Variants in GABBR2 observed in about 807,000 individuals in gnomAD.
GABBR2 encodes gamma-aminobutyric acid type B receptor subunit 2, also known as G-protein coupled receptor 51.
A neutral mutation model predicts 105.6 loss-of-function variants in GABBR2; 23 were observed. The ratio of observed to expected loss-of-function variants is 0.22; its 90% CI spans 0.16 to 0.31. The LOEUF (loss-of-function observed/expected upper bound fraction) is 0.31. GABBR2 is among the 10% of genes least tolerant of loss of function. GABBR2 has a pLI of 1.00. For synonymous variants in GABBR2, 478 were observed against 499.7 expected (o/e 0.96, Z 0.58); for missense variants, 734 against 1,245.5 (o/e 0.59, Z 6.18).
chr9:98,648,116 T>TGTGTGTGTGTGTGTATAG, intron 1 of GABBR2, among the ~76,000 whole-genome samples: 1,324 of 55,852 alleles, frequency 0.024, 53 homozygotes, highest in Middle Eastern at 0.045. Flanking sequence ...TGTGTGTGTG[T>TGTGTGTGTGTGTGTATAG]ATAGATAGAT....
In GABBR2 at chr9:98,692,850, G is replaced by C. The variant is rs555009537; in HGVS notation, c.321+15567C>G. On this transcript the variant is annotated intron_variant, in intron 1 of 18. Transcript: ENST00000259455. Reference sequence around the variant, plus strand: ...CTAGAGTTGACTATTTCTTCCAAATGCCTCATTCAGTAACACCCTGGTAAC... The same window carrying C: ...CTAGAGTTGACTATTTCTTCCAAATCCCTCATTCAGTAACACCCTGGTAAC... 3.3e-5 allele frequency among the ~76,000 whole-genome samples: 5 copies of C among 152,320 alleles called. No homozygotes were observed. In the South Asian group the frequency reaches 1.0e-3, roughly 32 times the overall value.
At chr9:98,413,768 G>A (rs929315534) in intron 7 of GABBR2, among the ~76,000 whole-genome samples, 2 of 152,198 alleles carry the variant, frequency 1.3e-5, no homozygotes, top group Non-Finnish European at 1.5e-5. Context: ...CCTAAGGTGG[G>A]GCTGTGTGCG....
intron 8 of GABBR2, among the ~76,000 whole-genome samples, chr9:98,401,997 C>T (rs962515991): frequency 6.6e-6 from 1 of 152,162 alleles, no homozygotes; most frequent in Admixed American, 6.5e-5. Flanking sequence ...GGACAAGTCT[C>T]CCTTTCACTA....
chr9:98,573,941 C>A (rs994358062), intron 2 of GABBR2, among the ~76,000 whole-genome samples: 3 of 152,172 alleles, frequency 2.0e-5, no homozygotes, highest in Non-Finnish European at 4.4e-5. Context: ...AAGATATCAC[C>A]CCCTATTGGG....
chr9:98,293,774 A>G lies in GABBR2; in HGVS notation c.2660+11T>C, dbSNP rs751470559. The G allele has an allele frequency of 1.5e-6, 2 of 1,348,404 alleles. No individual in the cohort carries two copies. The highest frequency in any genetic ancestry group is 2.4e-5 in the South Asian group (2 of 83,586). 83.5% of individuals were successfully genotyped at this position (1,348,404 alleles called of 1,614,324 possible). A position where few individuals can be genotyped will look rare whatever the true frequency, so the allele number is the denominator to read the frequency against. On this transcript the variant is annotated intron_variant, in intron 18 of 18. Transcript: ENST00000259455. ...TTCTTCAGTTATAATTCTCAAGGAGAAGGTACTTACTGTTCTGGAGAGTTT... is the reference window on the plus strand; with the variant it reads ...TTCTTCAGTTATAATTCTCAAGGAGGAGGTACTTACTGTTCTGGAGAGTTT...
intron 7 of GABBR2, among the ~76,000 whole-genome samples, chr9:98,419,483 A>G (rs1832744835): frequency 6.6e-6 from 1 of 152,222 alleles, no homozygotes; most frequent in East Asian, 1.9e-4. Flanking sequence ...CTGCTGAGAA[A>G]ATAGGCTGGA....
chr9:98,566,351 C>T (rs1301585202), intron 2 of GABBR2, among the ~76,000 whole-genome samples: 1 of 152,170 alleles, frequency 6.6e-6, no homozygotes, highest in Non-Finnish European at 1.5e-5. Context: ...TAGTAACCTT[C>T]ACTCATGAAT....
chr9:98,440,505 C>T (rs993008990), intron 7 of GABBR2, among the ~76,000 whole-genome samples: 2 of 152,232 alleles, frequency 1.3e-5, no homozygotes, highest in African/African-American at 4.8e-5. Flanking sequence ...CTTATAGTCC[C>T]CCACTTCCCC....
intron 9 of GABBR2, among the ~76,000 whole-genome samples, chr9:98,391,577 G>A (rs574986698): frequency 3.9e-5 from 6 of 152,322 alleles, no homozygotes; most frequent in African/African-American, 9.6e-5. Flanking sequence ...AGGTGACGAA[G>A]GAGCTGAGTC....
At chr9:98,707,292 G>C (rs997419178) in intron 1 of GABBR2, 1 of 152,426 alleles carries the variant, frequency 6.6e-6, no homozygotes, top group African/African-American at 2.4e-5. Context: ...CCAGGATCAA[G>C]CCCAGCGCCT....
At chr9:98,299,389 G>A (rs946683179) in intron 16 of GABBR2, 36 bp from the exon 17 acceptor site, 1 of 1,612,862 alleles carries the variant, frequency 6.2e-7, no homozygotes, top group Non-Finnish European at 8.5e-7. Flanking sequence ...TCAGGTCCCT[G>A]GCCCAGCCCT....
intron 13 of GABBR2, among the ~76,000 whole-genome samples, chr9:98,337,927 C>G (rs552266221): frequency 6.6e-6 from 1 of 152,236 alleles, no homozygotes; most frequent in East Asian, 1.9e-4. Flanking sequence ...GAGGCTGAGG[C>G]AGGAGAATTG....
At chr9:98,548,343 G>C (rs1486167320) in intron 2 of GABBR2, among the ~76,000 whole-genome samples, 1 of 119,622 alleles carries the variant, frequency 8.4e-6, no homozygotes, top group African/African-American at 2.7e-5. Flanking sequence ...CCTTAGGCTG[G>C]TCTACATTAA....
At chr9:98,659,577 A>G (rs576661076) in intron 1 of GABBR2, among the ~76,000 whole-genome samples, 1 of 128,960 alleles carries the variant, frequency 7.8e-6, no homozygotes, top group Non-Finnish European at 1.5e-5. Flanking sequence ...GCTGGAGTGC[A>G]GTGGCACGAT....
intron 6 of GABBR2, among the ~76,000 whole-genome samples, chr9:98,456,643 A>G (rs1554707854): frequency 1.3e-5 from 2 of 152,200 alleles, no homozygotes; most frequent in Non-Finnish European, 2.9e-5. Context: ...GAGCACACCT[A>G]TTCACACATT....
At chr9:98,580,801 C>A (rs1828990825) in intron 1 of GABBR2, among the ~76,000 whole-genome samples, 1 of 152,130 alleles carries the variant, frequency 6.6e-6, no homozygotes, top group Non-Finnish European at 1.5e-5. Flanking sequence ...ACAAACAAAT[C>A]TGTTGGACAC....
chr9:98,319,253 A>C (rs1830778101), intron 13 of GABBR2, among the ~76,000 whole-genome samples: 1 of 152,072 alleles, frequency 6.6e-6, no homozygotes. Context: ...CCTGCTCCTG[A>C]TGTGGAAAGC....
chr9:98,681,017 T>A (rs1830538870), intron 1 of GABBR2, among the ~76,000 whole-genome samples: 1 of 152,070 alleles, frequency 6.6e-6, no homozygotes, highest in Non-Finnish European at 1.5e-5. Context: ...GTTCAACCAT[T>A]GTGGAAGTCA....
At chr9:98,403,461 G>T (rs1832434948) in intron 8 of GABBR2, among the ~76,000 whole-genome samples, 1 of 152,086 alleles carries the variant, frequency 6.6e-6, no homozygotes, top group African/African-American at 2.4e-5. Context: ...CTGAGGTCCA[G>T]TCCCTGCTCT....
Sources: allele counts gnomAD v4.1 joint callset (sites outside exome capture counted in the v4.1 genomes callset), GRCh38; gene constraint gnomAD v4.1.1; transcripts MANE v1.5; gene names NCBI Gene and HGNC (gene_info 2026-07-23, HGNC 2026-07-21).